AGPAT5: variants seen among roughly 807,000 people sequenced by gnomAD.
The protein encoded by AGPAT5 is 1-acyl-sn-glycerol-3-phosphate acyltransferase epsilon.
A neutral mutation model predicts 45.6 loss-of-function variants in AGPAT5; 46 were observed. The observed-to-expected ratio is 1.01, with a 90% confidence interval of 0.80 to 1.29. AGPAT5 has a LOEUF of 1.29. AGPAT5 is among the 50% of genes most tolerant of loss of function. The pLI, the probability that AGPAT5 is intolerant of heterozygous loss-of-function variation, is 0.00. For missense variants in AGPAT5, 673 were observed against 450.7 expected, an observed-to-expected ratio of 1.49 and a Z score of -4.47; for synonymous variants, 272 against 167.0, an observed-to-expected ratio of 1.63 and a Z score of -4.85.
intron 6 of AGPAT5, among the ~76,000 whole-genome samples, chr8:6,748,109 A>G (rs1801537439): frequency 6.6e-6 from 1 of 152,190 alleles, no homozygotes; most frequent in Non-Finnish European, 1.5e-5. Flanking sequence ...AAGCTCTGTA[A>G]AAGGGAGGAA....
At chr8:6,747,441 A>G (rs1801511610) in intron 5 of AGPAT5, among the ~76,000 whole-genome samples, 1 of 152,244 alleles carries the variant, frequency 6.6e-6, no homozygotes, top group African/African-American at 2.4e-5. Context: ...CAACACGGTG[A>G]CTTGTACATG....
chr8:6,714,834 A>T (rs1026409900), intron 1 of AGPAT5, among the ~76,000 whole-genome samples: 3 of 152,248 alleles, frequency 2.0e-5, no homozygotes, highest in Non-Finnish European at 2.9e-5. Context: ...GGCACGGGAA[A>T]ACAGCACTCC....
At chr8:6,738,777 T>A (rs2116920431) in intron 4 of AGPAT5, among the ~76,000 whole-genome samples, 1 of 152,310 alleles carries the variant, frequency 6.6e-6, no homozygotes, top group South Asian at 2.1e-4. Flanking sequence ...ACGTGTGTTT[T>A]TTTATTTTTA....
Position 6,741,709 on chromosome 8 carries a change from A to G in AGPAT5, c.544A>G (p.Thr182Ala). 6.2e-7 allele frequency: 1 copy of G among 1,612,916 alleles called. No individual in the cohort carries two copies. Among genetic ancestry groups the G allele is most frequent in the Non-Finnish European group, 8.5e-7 (1 of 1,179,424 alleles). Residue 182 changes from threonine to alanine, a missense_variant, in exon 5 of 8, where the codon ACA becomes GCA. Physicochemically the swap from Thr to Ala is moderately conservative, Grantham distance 58. Coordinates refer to ENST00000285518, the MANE Select transcript of AGPAT5 (RefSeq NM_018361.5). ...PEGTRYNPEQ[T>A]KVLSASQAFA... ...AGGTACAAGGTATAATCCAGAGCAA[A>G]CAAAAGTCCTTTCAGCTAGTCAGGC...
chr8:6,757,208 A>C lies in AGPAT5; in HGVS notation c.915A>C (p.Lys305Asn). 6.2e-7 allele frequency: 1 copy of C among 1,614,182 alleles called. No homozygotes were observed. The highest frequency in any genetic ancestry group is 8.5e-7 in the Non-Finnish European group (1 of 1,180,018). ...FYESPDPERR[K>N]RFPGKSVNSK... ...AGTCACCAGATCCAGAAAGAAGAAA[A>C]AGATTTCCTGGGAAAAGTGTTAATT... The change falls in exon 8 of 8, where the codon AAA becomes AAC. Residue 305 changes from lysine (K) to asparagine (N), a missense_variant. Coordinates refer to ENST00000285518, the MANE Select transcript of AGPAT5 (RefSeq NM_018361.5).
At chr8:6,738,544 A>T (rs1220052085) in intron 4 of AGPAT5, 1 of 152,208 alleles carries the variant, frequency 6.6e-6, no homozygotes, top group Non-Finnish European at 1.5e-5. Context: ...TGACACAGAG[A>T]CGTGAGGTGA....
intron 6 of AGPAT5, among the ~76,000 whole-genome samples, chr8:6,749,133 A>G (rs1801570392): frequency 6.6e-6 from 1 of 152,204 alleles, no homozygotes; most frequent in South Asian, 2.1e-4. Context: ...GATTTTTCCA[A>G]AGTTCAGTGA....
intron 6 of AGPAT5, among the ~76,000 whole-genome samples, chr8:6,753,104 G>A (rs778550685): frequency 1.3e-5 from 2 of 152,194 alleles, no homozygotes; most frequent in Non-Finnish European, 2.9e-5. Context: ...AAAGCATGCC[G>A]TAAACACATT....
chr8:6,734,756 C>T (rs1308519550), intron 4 of AGPAT5, among the ~76,000 whole-genome samples: 2 of 151,960 alleles, frequency 1.3e-5, no homozygotes, highest in African/African-American at 4.8e-5. Context: ...TGTCTTTCTG[C>T]TTGGCCTTTA....
chr8:6,744,711 G>A (rs1436073054), intron 5 of AGPAT5, among the ~76,000 whole-genome samples: 1 of 152,110 alleles, frequency 6.6e-6, no homozygotes, highest in African/African-American at 2.4e-5. Context: ...CTCCTCACTC[G>A]CTCTAAACCT....
chr8:6,730,028 A>C (rs189982498), intron 2 of AGPAT5, among the ~76,000 whole-genome samples: 285 of 152,046 alleles, frequency 1.9e-3, no homozygotes, highest in African/African-American at 6.5e-3. Context: ...ATATATACAC[A>C]CTGAATATTT....
chr8:6,727,356 C>G (rs1007166527), intron 2 of AGPAT5, among the ~76,000 whole-genome samples: 6 of 152,026 alleles, frequency 3.9e-5, no homozygotes, highest in South Asian at 2.1e-4. Context: ...TTCCCCTTAT[C>G]CTTCAACTAT....
At chr8:6,715,027 G>C (rs1442884895) in intron 1 of AGPAT5, among the ~76,000 whole-genome samples, 1 of 152,150 alleles carries the variant, frequency 6.6e-6, no homozygotes, top group East Asian at 1.9e-4. Flanking sequence ...TTTTCAGTAA[G>C]GGATCTCTAG....
At chr8:6,737,282 A>T (rs1801087180) in intron 4 of AGPAT5, among the ~76,000 whole-genome samples, 1 of 152,184 alleles carries the variant, frequency 6.6e-6, no homozygotes, top group Non-Finnish European at 1.5e-5. Flanking sequence ...GAGCGGATAC[A>T]TCTTGCTCAG....
chr8:6,730,713 G>C lies in AGPAT5; in HGVS notation c.292G>C (p.Asp98His). 1 of 1,612,098 alleles carries C rather than the reference G, an allele frequency of 6.2e-7. No individual in the cohort carries two copies. The highest frequency in any genetic ancestry group is 8.5e-7 in the Non-Finnish European group (1 of 1,178,518). ...IYLANHQSTV[D>H]WIVADILAIR... is the part of the protein sequence containing the mutation. The stretch of plus-strand genomic sequence containing the variant: ...CTAACTGGGTCCTGTCTCTGCAGTT[G>C]ACTGGATTGTTGCTGACATCTTGGC... The change falls in exon 3 of 8, where the codon GAC becomes CAC. Residue 98 changes from aspartate (D) to histidine (H), a missense_variant and splice_region_variant. By Grantham distance (81) the Asp-to-His change is moderately conservative (BLOSUM62 -1). Coordinates refer to ENST00000285518, the MANE Select transcript of AGPAT5 (RefSeq NM_018361.5).
intron 1 of AGPAT5, among the ~76,000 whole-genome samples, chr8:6,712,944 C>G (rs1418661089): frequency 6.6e-6 from 1 of 152,124 alleles, no homozygotes; most frequent in Non-Finnish European, 1.5e-5. Flanking sequence ...ACACTGAAAA[C>G]TGATCATTGA....
intron 5 of AGPAT5, among the ~76,000 whole-genome samples, chr8:6,742,363 A>C (rs1210969735): frequency 6.6e-6 from 1 of 152,244 alleles, no homozygotes; most frequent in Admixed American, 6.5e-5. Flanking sequence ...AAAATTGAAT[A>C]ATTGGTACAC....
intron 1 of AGPAT5, among the ~76,000 whole-genome samples, chr8:6,718,820 A>G (rs928713198): frequency 6.6e-6 from 1 of 152,210 alleles, no homozygotes; most frequent in Non-Finnish European, 1.5e-5. Context: ...CATCCTCAAA[A>G]TTTTGAAAAA....
At chr8:6,745,830 A>G (rs1260813045) in intron 5 of AGPAT5, 31 of 151,130 alleles carry the variant, frequency 2.1e-4, no homozygotes, top group Admixed American at 1.9e-3. Flanking sequence ...CATGGTTTCC[A>G]CATGCTTAGC....
Sources: gnomAD v4.1 joint callset for allele counts (sites outside exome capture counted in the v4.1 genomes callset) on GRCh38, gnomAD v4.1.1 for gene constraint, MANE v1.5 for transcripts, NCBI Gene and HGNC (gene_info 2026-07-23, HGNC 2026-07-21) for gene names.